Variants in SBF2 observed in about 807,000 individuals in gnomAD.
SBF2 encodes the protein myotubularin-related protein 13.
A neutral mutation model predicts 225.2 loss-of-function variants in SBF2; 112 were observed. The observed-to-expected ratio is 0.50, with a 90% CI of 0.43 to 0.58. The LOEUF is 0.58. SBF2 is among the 20% of genes least tolerant of loss of function. The probability of loss-of-function intolerance (pLI) is 0.00; values close to 1 mark genes in which losing one functional copy is unlikely to be tolerated. For missense variants in SBF2, 1,996 were observed against 2,206.2 expected (o/e 0.90, Z 1.91); for synonymous variants, 763 against 773.3 (o/e 0.99, Z 0.22).
chr11:10,128,255 G>A (rs1385806548), intron 2 of SBF2, among the ~76,000 whole-genome samples: 2 of 152,180 alleles, frequency 1.3e-5, no homozygotes, highest in African/African-American at 4.8e-5. Flanking sequence ...CACGAAGTCA[G>A]GCATTGTATC....
chr11:10,151,126 C>T (rs1955163492), intron 2 of SBF2, among the ~76,000 whole-genome samples: 1 of 152,164 alleles, frequency 6.6e-6, no homozygotes, highest in East Asian at 1.9e-4. Flanking sequence ...CCAAAATACA[C>T]AGTCTCTTGC....
At chr11:9,817,074 C>CACTA in intron 28 of SBF2, 50 bp from the exon 29 acceptor site, 1 of 1,598,702 alleles carries the variant, frequency 6.3e-7, no homozygotes, top group East Asian at 2.2e-5. Context: ...GTGGGAATGC[C>CACTA]ACTAACTAAG....
chr11:10,061,782 G>C (rs1018741856), intron 2 of SBF2, among the ~76,000 whole-genome samples: 19 of 152,134 alleles, frequency 1.2e-4, no homozygotes, highest in Non-Finnish European at 1.8e-4. Flanking sequence ...GCCATTTACA[G>C]ACTCAATGCT....
chr11:10,021,743 C>A (rs1296962604), intron 6 of SBF2, among the ~76,000 whole-genome samples: 1 of 152,046 alleles, frequency 6.6e-6, no homozygotes, highest in Non-Finnish European at 1.5e-5. Flanking sequence ...TTGTAAAATC[C>A]GCTACCACCA....
chr11:9,851,999 T>C (rs1022398061), intron 21 of SBF2, among the ~76,000 whole-genome samples: 1 of 152,196 alleles, frequency 6.6e-6, no homozygotes, highest in African/African-American at 2.4e-5. Flanking sequence ...GGTCTCAAAC[T>C]CCTGGGCTCA....
intron 17 of SBF2, among the ~76,000 whole-genome samples, chr11:9,876,229 T>C (rs183400883): frequency 1.9e-4 from 29 of 152,316 alleles, no homozygotes; most frequent in African/African-American, 6.7e-4. Context: ...AGCTGTTTCA[T>C]CTACTTGGAA....
chr11:9,804,525 T>TA (rs1853679981), intron 32 of SBF2, among the ~76,000 whole-genome samples: 2 of 152,230 alleles, frequency 1.3e-5, no homozygotes, highest in East Asian at 3.8e-4. Context: ...CACAGTTGTG[T>TA]AACCATCACC....
At chr11:10,041,628 C>T (rs1183424467) in intron 3 of SBF2, among the ~76,000 whole-genome samples, 2 of 152,132 alleles carry the variant, frequency 1.3e-5, no homozygotes, top group Non-Finnish European at 2.9e-5. Flanking sequence ...GTCTAATGAA[C>T]TTGAATAATG....
chr11:10,193,861 A>G (rs1027413923), intron 2 of SBF2, 41 bp downstream of exon 2: 8 of 1,322,642 alleles, frequency 6.0e-6, no homozygotes, highest in Non-Finnish European at 8.7e-6. Context: ...CAAAAAAGAA[A>G]AGTAACATTA....
intron 16 of SBF2, among the ~76,000 whole-genome samples, chr11:9,907,626 C>T (rs1862216773): frequency 6.6e-6 from 1 of 152,122 alleles, no homozygotes; most frequent in Non-Finnish European, 1.5e-5. Context: ...CACAATGACT[C>T]CCATTGCAAT....
chr11:9,902,933 G>T (rs1861834416), intron 16 of SBF2, among the ~76,000 whole-genome samples: 1 of 147,608 alleles, frequency 6.8e-6, no homozygotes, highest in Non-Finnish European at 1.5e-5. Flanking sequence ...CAAACTAGTG[G>T]AGGAAAAAAT....
chr11:10,022,720 C>T (rs1265304596), intron 6 of SBF2, among the ~76,000 whole-genome samples: 3 of 151,980 alleles, frequency 2.0e-5, no homozygotes, highest in Non-Finnish European at 4.4e-5. Flanking sequence ...CATCCGTAGA[C>T]ACTATAGTTT....
chr11:10,056,578 C>T (rs1950263511), intron 2 of SBF2, among the ~76,000 whole-genome samples: 2 of 152,062 alleles, frequency 1.3e-5, no homozygotes, highest in South Asian at 2.1e-4. Flanking sequence ...TAGTGATTTT[C>T]GTATATTGAT....
chr11:9,807,046 GT>G (rs1353806823), intron 32 of SBF2, among the ~76,000 whole-genome samples: 2 of 152,194 alleles, frequency 1.3e-5, no homozygotes, highest in Non-Finnish European at 2.9e-5. Flanking sequence ...TGAAAACATA[GT>G]TCTGCCTTTC....
intron 2 of SBF2, among the ~76,000 whole-genome samples, chr11:10,116,657 C>A (rs1365203536): frequency 6.7e-6 from 1 of 149,834 alleles, no homozygotes; most frequent in African/African-American, 2.4e-5. Flanking sequence ...TTTTAATTGT[C>A]TTTTTTTTTT....
intron 13 of SBF2, among the ~76,000 whole-genome samples, chr11:9,971,224 T>C (rs1021437222): frequency 2.0e-5 from 3 of 151,942 alleles, no homozygotes; most frequent in Admixed American, 6.6e-5. Context: ...TCCCATGAAG[T>C]AAATATTTAT....
At chr11:10,049,088 A>G (rs1192709578) in intron 2 of SBF2, among the ~76,000 whole-genome samples, 2 of 152,212 alleles carry the variant, frequency 1.3e-5, no homozygotes, top group African/African-American at 4.8e-5. Flanking sequence ...ACTTCAACCA[A>G]AAAAATCAAA....
chr11:9,792,838 G>A (rs1201594114), intron 33 of SBF2, among the ~76,000 whole-genome samples: 2 of 149,350 alleles, frequency 1.3e-5, no homozygotes, highest in Non-Finnish European at 1.5e-5. Flanking sequence ...CTGCAGCCTT[G>A]ACCTCCTGGG....
At chr11:10,280,225 G>A (rs1463150859) in intron 1 of SBF2, among the ~76,000 whole-genome samples, 3 of 152,110 alleles carry the variant, frequency 2.0e-5, no homozygotes, top group Middle Eastern at 3.2e-3. Context: ...CAAGATTAAC[G>A]AAATGACAAT....
Sources: allele counts gnomAD v4.1 joint callset (sites outside exome capture counted in the v4.1 genomes callset), GRCh38; gene constraint gnomAD v4.1.1; transcripts MANE v1.5; gene names NCBI Gene and HGNC (gene_info 2026-07-23, HGNC 2026-07-21).